The following TNFRSF10B variants were observed in gnomAD, a reference collection of about 807,000 sequenced individuals.
TNFRSF10B encodes tumor necrosis factor receptor superfamily member 10B.
Under a neutral mutation model 41.4 loss-of-function variants are expected in TNFRSF10B, and 35 were observed. The ratio of observed to expected loss-of-function variants is 0.85; its 90% confidence interval spans 0.65 to 1.12. The LOEUF (loss-of-function observed/expected upper bound fraction) is 1.12. TNFRSF10B is among the 50% of genes most tolerant of loss of function. TNFRSF10B has a pLI of 0.00. For synonymous variants in TNFRSF10B, 230 were observed against 215.5 expected (o/e 1.07, Z -0.59); for missense variants, 584 against 552.7 (o/e 1.06, Z -0.57).
At chr8:23,051,822 C>T (rs1285841560) in intron 1 of TNFRSF10B, among the ~76,000 whole-genome samples, 8 of 152,136 alleles carry the variant, frequency 5.3e-5, no homozygotes, top group South Asian at 2.1e-4. Flanking sequence ...GGATTACAGG[C>T]GTGAGCCACC....
At chr8:23,056,399 C>G (rs1812667048) in intron 1 of TNFRSF10B, among the ~76,000 whole-genome samples, 1 of 152,160 alleles carries the variant, frequency 6.6e-6, no homozygotes, top group South Asian at 2.1e-4. Flanking sequence ...CGCCTGTAAT[C>G]CCAGCATTTT....
At chr8:23,054,012 T>C (rs7461609) in intron 1 of TNFRSF10B, among the ~76,000 whole-genome samples, 5,093 of 152,292 alleles carry the variant, frequency 0.033, 271 homozygotes, top group African/African-American at 0.11. Flanking sequence ...TTGTCATCAA[T>C]TGTGTCTTTA....
intron 2 of TNFRSF10B, among the ~76,000 whole-genome samples, chr8:23,033,727 T>C (rs1477688141): frequency 6.6e-6 from 1 of 151,730 alleles, no homozygotes; most frequent in Non-Finnish European, 1.5e-5. Flanking sequence ...ACAATAGACA[T>C]TTATTTATCA....
chr8:23,060,952 A>G (rs12546158), intron 1 of TNFRSF10B, among the ~76,000 whole-genome samples: 2,298 of 152,222 alleles, frequency 0.015, 47 homozygotes, highest in Admixed American at 0.05. Context: ...TAGAAATGCA[A>G]TTGACTTTTC....
intron 1 of TNFRSF10B, among the ~76,000 whole-genome samples, chr8:23,055,537 A>AAAAAAAAAAAAAAAC (rs1812640021): frequency 6.6e-6 from 1 of 151,902 alleles, no homozygotes; most frequent in African/African-American, 2.4e-5. Flanking sequence ...AAAAAAAAAA[A>AAAAAAAAAAAAAAAC]AAGCCAGTGC....
At chr8:23,028,960 C>T (rs1205608650) in intron 4 of TNFRSF10B, among the ~76,000 whole-genome samples, 1 of 152,188 alleles carries the variant, frequency 6.6e-6, no homozygotes, top group African/African-American at 2.4e-5. Flanking sequence ...TCCGGTCTTC[C>T]AGTCAACCAC....
At chr8:23,060,275 CTTACAT>C (rs1812795421) in intron 1 of TNFRSF10B, among the ~76,000 whole-genome samples, 1 of 152,182 alleles carries the variant, frequency 6.6e-6, no homozygotes, top group Non-Finnish European at 1.5e-5. Flanking sequence ...AGCTTTAGCA[CTTACAT>C]TTACATCTTT....
chr8:23,051,672 G>C lies in TNFRSF10B; in HGVS notation c.145-8429C>G, dbSNP rs369266579. Among the ~76,000 whole-genome samples, 4 of 151,932 alleles carry C rather than the reference G, an allele frequency of 2.6e-5. No individual in the cohort carries two copies. In the East Asian group the frequency reaches 7.7e-4, roughly 29 times the overall value. ...CCATTCTCCTGCCTCAGCCTCCCGA[G>C]TAGCTGGGACTACAGTCGCCCGCCA... On this transcript the variant is annotated intron_variant, in intron 1 of 8. Transcript: ENST00000276431.
At chr8:23,031,911 C>CGT (rs1563309683) in intron 2 of TNFRSF10B, among the ~76,000 whole-genome samples, 2 of 109,018 alleles carry the variant, frequency 1.8e-5, no homozygotes, top group African/African-American at 5.8e-5. Context: ...TTTGCAGTAG[C>CGT]ATTTTTTTTT....
chr8:23,054,660 G>T (rs1812610884), intron 1 of TNFRSF10B, among the ~76,000 whole-genome samples: 1 of 152,158 alleles, frequency 6.6e-6, no homozygotes, highest in Admixed American at 6.6e-5. Context: ...CATAGACCCT[G>T]TACAGGGTTT....
At chr8:23,064,194 T>C (rs1732513558) in intron 1 of TNFRSF10B, among the ~76,000 whole-genome samples, 1 of 152,138 alleles carries the variant, frequency 6.6e-6, no homozygotes, top group African/African-American at 2.4e-5. Flanking sequence ...AGGTGACAAA[T>C]GCCATCGGTG....
At chr8:23,055,521 T>TTAAAAAAAAAAAAA (rs1554510887) in intron 1 of TNFRSF10B, among the ~76,000 whole-genome samples, 8 of 120,544 alleles carry the variant, frequency 6.6e-5, no homozygotes, top group South Asian at 2.8e-4. Flanking sequence ...ATTAAATGCT[T>TTAAAAAAAAAAAAA]AAAAAAAAAA....
At chr8:23,052,339 G>A (rs990770765) in intron 1 of TNFRSF10B, among the ~76,000 whole-genome samples, 3 of 146,128 alleles carry the variant, frequency 2.1e-5, no homozygotes, top group Non-Finnish European at 4.5e-5. Flanking sequence ...AGGCTGGAGT[G>A]CAGTGGCACA....
At chr8:23,046,181 T>C (rs776463317) in intron 1 of TNFRSF10B, among the ~76,000 whole-genome samples, 5 of 152,178 alleles carry the variant, frequency 3.3e-5, no homozygotes, top group Non-Finnish European at 2.9e-5. Flanking sequence ...ATCTTCTGTA[T>C]AGAAAACCCT....
Position 23,022,986 on chromosome 8 carries a change from T to C in TNFRSF10B, c.1010-2A>G. On this transcript the variant is annotated splice_acceptor_variant, in intron 8 of 8. Transcript: ENST00000276431. LOFTEE classifies it high-confidence loss of function. The stretch of plus-strand genomic sequence containing the variant: ...AGTCATCGAAGCACTGTCTCAGAGC[T>C]GGTGGAGAAAGCCACAGAGACAGCC... 1 of 1,610,384 alleles carries C rather than the reference T, an allele frequency of 6.2e-7. No homozygotes were observed. The highest frequency in any genetic ancestry group is 1.1e-5 in the South Asian group (1 of 91,070).
chr8:23,044,836 T>TA (rs1395272317), intron 1 of TNFRSF10B, among the ~76,000 whole-genome samples: 5 of 152,066 alleles, frequency 3.3e-5, no homozygotes, highest in African/African-American at 1.2e-4. Context: ...AAAATTCTGT[T>TA]AGTTTTTTGA....
At chr8:23,051,546 T>C (rs13255330) in intron 1 of TNFRSF10B, among the ~76,000 whole-genome samples, 34,194 of 133,516 alleles carry the variant, frequency 0.26, 4,077 homozygotes, top group East Asian at 0.29. Context: ...AGTAAAATAC[T>C]CTTTTTTTTT....
rs550120417 is a variant in TNFRSF10B at position 23,031,250 on chromosome 8, A to AT, written c.251-379dup. Among the ~76,000 whole-genome samples the AT allele has an allele frequency of 5.3e-5, 8 of 151,576 alleles. No individual in the cohort carries two copies. In the South Asian group the frequency reaches 6.3e-4, roughly 12 times the overall value. Reference sequence around the variant, plus strand: ...ACTACCACACCTGGCTAATTTTTGTATTTTTTTAGTAGAGACAGGGTTTCA... The same window carrying AT: ...ACTACCACACCTGGCTAATTTTTGTATTTTTTTTAGTAGAGACAGGGTTTCA... On this transcript the variant is annotated intron_variant, in intron 2 of 8. Coordinates refer to ENST00000276431, the MANE Select transcript of TNFRSF10B (RefSeq NM_003842.5).
At chr8:23,026,693 T>C (rs1357453699) in intron 7 of TNFRSF10B, among the ~76,000 whole-genome samples, 1 of 152,208 alleles carries the variant, frequency 6.6e-6, no homozygotes, top group African/African-American at 2.4e-5. Context: ...ACAAAAGCCC[T>C]TTGTGCATCG....
Sources: gnomAD v4.1 joint callset for allele counts (sites outside exome capture counted in the v4.1 genomes callset) on GRCh38, gnomAD v4.1.1 for gene constraint, MANE v1.5 for transcripts, NCBI Gene and HGNC (gene_info 2026-07-23, HGNC 2026-07-21) for gene names.